The following TMEM132C variants were observed in gnomAD, a reference collection of about 807,000 sequenced individuals.
TMEM132C encodes transmembrane protein 132C, also known as protein phosphatase 1, regulatory subunit 152.
A neutral mutation model predicts 61.4 loss-of-function variants in TMEM132C; 29 were observed. The observed-to-expected ratio is 0.47, with a 90% CI of 0.35 to 0.64. The LOEUF is 0.64. Ranked by LOEUF, TMEM132C falls within the 30% of genes least tolerant of loss-of-function variation. TMEM132C has a pLI of 0.00. For missense variants in TMEM132C, 1,408 were observed against 1,476.9 expected (o/e 0.95, Z 0.76); for synonymous variants, 656 against 633.1 (o/e 1.04, Z -0.54).
chr12:128,375,636 A>G (rs1565916937), intron 1 of TMEM132C, among the ~76,000 whole-genome samples: 1 of 152,148 alleles, frequency 6.6e-6, no homozygotes, highest in African/African-American at 2.4e-5. Flanking sequence ...TGAACTAATT[A>G]CATCTGCAAA....
intron 1 of TMEM132C, among the ~76,000 whole-genome samples, chr12:128,376,634 C>T (rs575787298): frequency 6.6e-6 from 1 of 152,196 alleles, no homozygotes; most frequent in East Asian, 1.9e-4. Flanking sequence ...TTATTTCGAG[C>T]CTCTTGGAAT....
chr12:128,577,011 C>T (rs968717671), intron 3 of TMEM132C, among the ~76,000 whole-genome samples: 2 of 152,190 alleles, frequency 1.3e-5, no homozygotes, highest in African/African-American at 4.8e-5. Context: ...GCAACCATCA[C>T]CACTGTTTAA....
intron 4 of TMEM132C, among the ~76,000 whole-genome samples, chr12:128,632,204 T>C (rs539498605): frequency 1.6e-3 from 240 of 152,314 alleles, no homozygotes; most frequent in African/African-American, 5.5e-3. Flanking sequence ...GCCAATGTTA[T>C]GAAGACACAA....
At chr12:128,441,358 AC>A (rs2136047392) in intron 2 of TMEM132C, among the ~76,000 whole-genome samples, 1 of 152,306 alleles carries the variant, frequency 6.6e-6, no homozygotes, top group East Asian at 1.9e-4. Context: ...GCTACTGCCT[AC>A]CTACTGGCAT....
At chr12:128,582,724 A>G (rs1224793973) in intron 3 of TMEM132C, among the ~76,000 whole-genome samples, 4 of 152,164 alleles carry the variant, frequency 2.6e-5, no homozygotes, top group East Asian at 1.9e-4. Flanking sequence ...AGGCCTCCCT[A>G]GCCATCTGGA....
At chr12:128,453,372 C>T (rs1185894844) in intron 2 of TMEM132C, among the ~76,000 whole-genome samples, 3 of 152,202 alleles carry the variant, frequency 2.0e-5, no homozygotes, top group Non-Finnish European at 4.4e-5. Flanking sequence ...TGGTCTCCCA[C>T]GGGAGTGGCT....
chr12:128,525,373 A>G (rs971752482), intron 2 of TMEM132C, among the ~76,000 whole-genome samples: 1 of 149,636 alleles, frequency 6.7e-6, no homozygotes, highest in African/African-American at 2.5e-5. Context: ...CCTCCTTTGA[A>G]TGGTGGTAAA....
chr12:128,555,971 C>G (rs1404412308), intron 3 of TMEM132C, among the ~76,000 whole-genome samples: 2 of 152,132 alleles, frequency 1.3e-5, no homozygotes, highest in African/African-American at 4.8e-5. Flanking sequence ...CCCACCTCGG[C>G]CTCCCAAAGT....
At chr12:128,613,178 C>G (rs775743196) in intron 3 of TMEM132C, among the ~76,000 whole-genome samples, 1 of 152,222 alleles carries the variant, frequency 6.6e-6, no homozygotes, top group African/African-American at 2.4e-5. Flanking sequence ...AAGTGAATTA[C>G]TTGCTGAGTA....
intron 2 of TMEM132C, among the ~76,000 whole-genome samples, chr12:128,497,667 A>G (rs1858492083): frequency 1.3e-5 from 2 of 152,170 alleles, no homozygotes; most frequent in Admixed American, 6.5e-5. Context: ...GCCGTTTGCT[A>G]AGACCATTGG....
At chr12:128,703,833 C>A (rs1954818954) in intron 8 of TMEM132C, among the ~76,000 whole-genome samples, 1 of 152,220 alleles carries the variant, frequency 6.6e-6, no homozygotes, top group African/African-American at 2.4e-5. Context: ...TAACTGCGAA[C>A]AACACCTGAC....
At chr12:128,480,827 A>G (rs906441308) in intron 2 of TMEM132C, among the ~76,000 whole-genome samples, 3 of 152,192 alleles carry the variant, frequency 2.0e-5, no homozygotes, top group African/African-American at 7.2e-5. Context: ...CTGAGCAGGA[A>G]GAGGACAAAG....
chr12:128,327,095 A>T (rs1290957210), intron 1 of TMEM132C, among the ~76,000 whole-genome samples: 1 of 150,064 alleles, frequency 6.7e-6, no homozygotes, highest in Non-Finnish European at 1.5e-5. Flanking sequence ...TCACTTAATC[A>T]TTTACCAGAC....
intron 1 of TMEM132C, among the ~76,000 whole-genome samples, chr12:128,324,756 A>T (rs957887762): frequency 6.6e-6 from 1 of 152,130 alleles, no homozygotes; most frequent in African/African-American, 2.4e-5. Flanking sequence ...AGAGCCCAGG[A>T]GGTTGAGGCT....
intron 3 of TMEM132C, among the ~76,000 whole-genome samples, chr12:128,588,332 T>C (rs1875626073): frequency 6.6e-6 from 1 of 152,174 alleles, no homozygotes; most frequent in African/African-American, 2.4e-5. Flanking sequence ...CTCAGGAGGC[T>C]GAGGCAGATG....
chr12:128,426,742 C>T (rs1869198285), intron 2 of TMEM132C, among the ~76,000 whole-genome samples: 1 of 152,156 alleles, frequency 6.6e-6, no homozygotes, highest in Non-Finnish European at 1.5e-5. Flanking sequence ...TGCCAGGCAG[C>T]CCAGCTCCCG....
At chr12:128,594,524 C>A (rs1875877912) in intron 3 of TMEM132C, among the ~76,000 whole-genome samples, 1 of 152,142 alleles carries the variant, frequency 6.6e-6, no homozygotes, top group Non-Finnish European at 1.5e-5. Context: ...ATGGAGGTAG[C>A]CAGGGACCTC....
intron 2 of TMEM132C, among the ~76,000 whole-genome samples, chr12:128,429,336 C>A (rs1420053020): frequency 6.6e-6 from 1 of 152,198 alleles, no homozygotes; most frequent in East Asian, 1.9e-4. Context: ...AGTCAACGTG[C>A]AGCGATGGAG....
chr12:128,600,550 G>GAGTGC (rs1325744494), intron 3 of TMEM132C, among the ~76,000 whole-genome samples: 3 of 152,178 alleles, frequency 2.0e-5, no homozygotes, highest in Admixed American at 6.5e-5. Flanking sequence ...AAGTGGAGTG[G>GAGTGC]ACCCATGCCT....
Sources: gnomAD v4.1 joint callset for allele counts (sites outside exome capture counted in the v4.1 genomes callset) on GRCh38, gnomAD v4.1.1 for gene constraint, MANE v1.5 for transcripts, NCBI Gene and HGNC (gene_info 2026-07-23, HGNC 2026-07-21) for gene names.